Variants in SEC22C observed in about 807,000 individuals in gnomAD.
SEC22C encodes vesicle-trafficking protein SEC22c.
In SEC22C, 29 loss-of-function variants were observed where a neutral mutation model predicts 34.7. The observed-to-expected ratio is 0.84, with a 90% CI of 0.62 to 1.14. SEC22C has a LOEUF of 1.14. Ranked by LOEUF, SEC22C falls within the 50% of genes most tolerant of loss-of-function variation. The probability of loss-of-function intolerance (pLI) is 0.00; values close to 1 mark genes in which losing one functional copy is unlikely to be tolerated. For missense variants in SEC22C, 337 were observed against 369.0 expected (o/e 0.91, Z 0.71); for synonymous variants, 117 against 132.8 (o/e 0.88, Z 0.82).
chr3:42,589,450 T>C (rs1704737366), intron 1 of SEC22C, among the ~76,000 whole-genome samples: 1 of 152,068 alleles, frequency 6.6e-6, no homozygotes, highest in African/African-American at 2.4e-5. Flanking sequence ...ATCTCCCTCC[T>C]AAATGAAGTG....
chr3:42,569,146 C>A (rs1703449929), intron 1 of SEC22C, 73 bp from the exon 2 acceptor site: 9 of 945,454 alleles, frequency 9.5e-6, no homozygotes, highest in South Asian at 1.6e-5. Flanking sequence ...CTGTGAAATG[C>A]CCACTCTAGG....
chr3:42,596,666 C>G (rs577550900), intron 1 of SEC22C, among the ~76,000 whole-genome samples: 1 of 152,304 alleles, frequency 6.6e-6, no homozygotes, highest in Admixed American at 6.5e-5. Context: ...ATACTTTTAT[C>G]TTCGAATCAT....
intron 1 of SEC22C, chr3:42,591,667 T>G: frequency 9.3e-7 from 1 of 1,077,262 alleles, no homozygotes; most frequent in Non-Finnish European, 1.4e-6. Flanking sequence ...ATGCGGTGCT[T>G]TCTCGAACTA....
At position 42,569,055 on chromosome 3, in the gene SEC22C, A is replaced by T; in HGVS notation, c.-9T>A. 6.2e-7 allele frequency: 1 copy of T among 1,612,886 alleles called. No individual in the cohort carries two copies. Among genetic ancestry groups the T allele is most frequent in the Non-Finnish European group, 8.5e-7 (1 of 1,179,322 alleles). On this transcript the variant is annotated 5_prime_UTR_variant, in exon 2 of 7. In the 5' UTR this introduces an upstream ATG that the reference lacks. Coordinates refer to ENST00000264454, the MANE Select transcript of SEC22C (RefSeq NM_032970.4). ...AAAAAGATCACGGACATGGTCCACA[A>T]GAGAAGTCATGAGGACACCTGAGGA...
chr3:42,566,019 T>TA (rs1318662113), intron 2 of SEC22C: 3 of 396,194 alleles, frequency 7.6e-6, no homozygotes, highest in African/African-American at 6.3e-5. Flanking sequence ...TCTGAAGTCT[T>TA]AGACTTCTTT....
intron 5 of SEC22C, among the ~76,000 whole-genome samples, chr3:42,556,915 T>G (rs3774400): frequency 0.67 from 101,412 of 151,850 alleles, 35,127 homozygotes; most frequent in African/African-American, 0.84. Context: ...TAGAGATGGG[T>G]TTTCACCATG....
chr3:42,568,809 G>T, intron 2 of SEC22C, 56 bp downstream of exon 2: 2 of 1,473,396 alleles, frequency 1.4e-6, no homozygotes, highest in Non-Finnish European at 1.9e-6. Flanking sequence ...ACTACATGTA[G>T]TTAAAAGTAA....
rs543640660 is a variant in SEC22C at position 42,549,229 on chromosome 3, G to T, written c.*4019C>A. 7.1e-4 allele frequency: 700 copies of T among 986,412 alleles called. No homozygotes were observed. The highest frequency in any genetic ancestry group is 2.6e-3 in the Middle Eastern group (5 of 1,914). 61.1% of individuals were successfully genotyped at this position (986,412 alleles called of 1,614,324 possible). A position where few individuals can be genotyped will look rare whatever the true frequency, so the allele number is the denominator to read the frequency against. The stretch of plus-strand genomic sequence containing the variant: ...GGAATGTGAGCAATGTCTGAACAGG[G>T]GCTTGCCAGGCACATCTGATCACCA... On this transcript the variant is annotated 3_prime_UTR_variant, in exon 7 of 7. Coordinates refer to ENST00000264454, the MANE Select transcript of SEC22C (RefSeq NM_032970.4).
intron 3 of SEC22C, 81 bp from the exon 4 acceptor site, chr3:42,561,377 A>G (rs761145909): frequency 1.3e-5 from 19 of 1,455,958 alleles, no homozygotes; most frequent in Non-Finnish European, 1.5e-5. Context: ...TGAAGTTCAC[A>G]TTTCTTTTTT....
At chr3:42,587,166 A>G (rs1415167980) in intron 1 of SEC22C, among the ~76,000 whole-genome samples, 3 of 152,054 alleles carry the variant, frequency 2.0e-5, no homozygotes, top group Admixed American at 1.3e-4. Context: ...AACTTTCACC[A>G]TGTTACAGCC....
chr3:42,595,341 G>A (rs1469525307), intron 1 of SEC22C, among the ~76,000 whole-genome samples: 2 of 151,946 alleles, frequency 1.3e-5, no homozygotes, highest in Non-Finnish European at 2.9e-5. Flanking sequence ...GAATTCTCTC[G>A]TGTTCTACAT....
rs973239312 is a variant in SEC22C, at chr3:42,553,423, G to A, written c.737C>T (p.Pro246Leu). 2 of 1,613,902 alleles carry A rather than the reference G, an allele frequency of 1.2e-6. No individual in the cohort carries two copies. The highest frequency in any genetic ancestry group is 1.3e-5 in the African/African-American group (1 of 74,878). ...FQCYLYLFYS[P>L]ARTMKVVLML... is the part of the protein sequence containing the mutation. ...AAGCACCACCTTCATAGTCCTGGCT[G>A]GACTGTAGAACAGGTACAAATAACA... is the stretch of plus-strand genomic sequence containing the variant. The change falls in exon 7 of 7, where the codon CCA (proline) becomes CTA (leucine). Residue 246 changes from proline (P) to leucine (L), a missense_variant. By Grantham distance (98) the Pro-to-Leu change is moderately conservative. Coordinates refer to ENST00000264454, the MANE Select transcript of SEC22C (RefSeq NM_032970.4).
rs1702181556 is a variant in SEC22C at position 42,550,197 on chromosome 3, C to T, written c.*3051G>A. On this transcript the variant is annotated 3_prime_UTR_variant, in exon 7 of 7. Transcript: ENST00000264454. Reference sequence around the variant, plus strand: ...ACTTAACACACTCTGATGCTCAAGGCCTTGCAGCATCTGATACCAGAAGGC... The same window carrying T: ...ACTTAACACACTCTGATGCTCAAGGTCTTGCAGCATCTGATACCAGAAGGC... The T allele has an allele frequency of 2.0e-6, 2 of 985,340 alleles. No homozygotes were observed. The highest frequency in any genetic ancestry group is 1.7e-5 in the African/African-American group (1 of 57,244). 61.0% of individuals were successfully genotyped at this position (985,340 alleles called of 1,614,324 possible).
rs1026521429 is a variant in SEC22C at position 42,548,470 on chromosome 3, C to T, written c.*4778G>A. On this transcript the variant is annotated 3_prime_UTR_variant, in exon 7 of 7. Transcript: ENST00000264454. ...ATCAATACACATGGGCAGATGTTTC[C>T]GAATCCAGCCATTCCCAGATTTCAC... 4 of 894,044 alleles carry T rather than the reference C, an allele frequency of 4.5e-6. No homozygotes were observed. The highest frequency in any genetic ancestry group is 3.5e-6 in the Non-Finnish European group (2 of 569,112). The allele number at this position is 894,044 out of a possible 1,614,324, so 55.4% of individuals were successfully genotyped here.
chr3:42,548,913 A>G lies in SEC22C; in HGVS notation c.*4335T>C. 1 of 1,297,650 alleles carries G rather than the reference A, an allele frequency of 7.7e-7. No individual in the cohort carries two copies. The highest frequency in any genetic ancestry group is 2.2e-5 in the South Asian group (1 of 45,128). The allele number at this position is 1,297,650 out of a possible 1,614,324, so 80.4% of individuals were successfully genotyped here. A position where few individuals can be genotyped will look rare whatever the true frequency, so the allele number is the denominator to read the frequency against. Reference sequence around the variant, plus strand: ...ACACACAATGGACTCACCCAGTATTACCCTCCACTACCACTTTTGACCCTC... The same window carrying G: ...ACACACAATGGACTCACCCAGTATTGCCCTCCACTACCACTTTTGACCCTC... On this transcript the variant is annotated 3_prime_UTR_variant, in exon 7 of 7. Transcript: ENST00000264454.
intron 1 of SEC22C, among the ~76,000 whole-genome samples, chr3:42,593,249 C>T (rs1200572633): frequency 6.6e-6 from 1 of 151,950 alleles, no homozygotes; most frequent in Non-Finnish European, 1.5e-5. Flanking sequence ...CCCATCTCTA[C>T]TAAAAACTAA....
chr3:42,561,841 G>C (rs910376939), intron 3 of SEC22C, among the ~76,000 whole-genome samples: 2 of 152,178 alleles, frequency 1.3e-5, no homozygotes, highest in African/African-American at 4.8e-5. Flanking sequence ...AGGCAATAAT[G>C]CATCACAGAA....
chr3:42,551,606 G>A lies in SEC22C; in HGVS notation c.*1642C>T, dbSNP rs940086918. On this transcript the variant is annotated 3_prime_UTR_variant, in exon 7 of 7. Transcript: ENST00000264454. ...TCCTGCTTTGGCCTTCCAAAGTGCT[G>A]GGAATACAGGCATGAGCCATCATGC... 1.7e-5 allele frequency: 14 copies of A among 836,716 alleles called. No individual in the cohort carries two copies. The African/African-American group carries it at 2.6e-4, about 15-fold the overall frequency. The allele number at this position is 836,716 out of a possible 1,614,324, so 51.8% of individuals were successfully genotyped here. A position where few individuals can be genotyped will look rare whatever the true frequency, so the allele number is the denominator to read the frequency against.
rs1702296615 is a variant in SEC22C, at chr3:42,552,379, CG to C, written c.*868del. 1.0e-6 allele frequency: 1 copy of C among 985,268 alleles called. No homozygotes were observed. The highest frequency in any genetic ancestry group is 6.1e-5 in the Admixed American group (1 of 16,262). The allele number at this position is 985,268 out of a possible 1,614,324, so 61.0% of individuals were successfully genotyped here. On this transcript the variant is annotated 3_prime_UTR_variant, in exon 7 of 7. Coordinates refer to ENST00000264454, the MANE Select transcript of SEC22C (RefSeq NM_032970.4). ...GCTGATGACAGCAGCCCCTCCCAAG[CG>C]GATCTGTAAAGTGCCACTGAATCCA...
Sources: allele counts gnomAD v4.1 joint callset (sites outside exome capture counted in the v4.1 genomes callset), GRCh38; gene constraint gnomAD v4.1.1; transcripts MANE v1.5; gene names NCBI Gene and HGNC (gene_info 2026-07-23, HGNC 2026-07-21).